The following MRO variants were observed in gnomAD, a reference collection of about 807,000 sequenced individuals.
MRO encodes protein maestro.
MRO carries 28 observed loss-of-function variants against 31.0 expected under a neutral mutation model. The ratio of observed to expected loss-of-function variants is 0.90; its 90% CI spans 0.67 to 1.24. MRO has a LOEUF of 1.24. Ranked by LOEUF, MRO falls within the 50% of genes most tolerant of loss-of-function variation. The pLI is 0.00. For missense variants in MRO, 332 were observed against 289.2 expected, an observed-to-expected ratio of 1.15 and a Z score of -1.07; for synonymous variants, 108 against 108.4, an observed-to-expected ratio of 1.00 and a Z score of 0.02.
intron 7 of MRO, 23 bp from the exon 8 acceptor site, chr18:50,799,413 C>G (rs1278169478): frequency 5.0e-6 from 8 of 1,608,864 alleles, no homozygotes; most frequent in Admixed American, 1.7e-5. Flanking sequence ...AGCAAAGGTA[C>G]GCGTGAGGGC....
At position 50,800,039 on chromosome 18, in the gene MRO, C is replaced by A. The variant is rs1273290363; in HGVS notation, c.690G>T (p.Gln230His). 2.5e-6 allele frequency: 4 copies of A among 1,610,898 alleles called. No individual in the cohort carries two copies. Among genetic ancestry groups the A allele is most frequent in the Non-Finnish European group, 3.4e-6 (4 of 1,177,358 alleles). Residue 230 changes from glutamine to histidine, a missense_variant, in exon 7 of 8, where the codon CAG becomes CAT. Physicochemically the swap from Gln to His is conservative, Grantham distance 24. Transcript: ENST00000398439. The stretch of plus-strand genomic sequence containing the variant: ...TCTCCTACCCTGGCTCACTCACCAG[C>A]TGCTGGTAGAGCTTAGTGTTCCTTT... Reference protein sequence around the residue: ...EDQRNTKLYQQLSHYHPEILQ... With the variant: ...EDQRNTKLYQHLSHYHPEILQ...
At chr18:50,815,564 TTGGTGGTGGTAACTA>T (rs1376699434) in intron 2 of MRO, 1 of 294,536 alleles carries the variant, frequency 3.4e-6, no homozygotes, top group South Asian at 3.5e-5. Context: ...CATTGAAATT[TTGGTGGTGGTAACTA>T]TGGTGGTGGT....
At chr18:50,799,892 A>G (rs2144576038) in intron 7 of MRO, 144 bp downstream of exon 7, 4 of 605,972 alleles carry the variant, frequency 6.6e-6, no homozygotes, top group East Asian at 5.8e-5. Context: ...TCTTCTCAGA[A>G]AAAAAGAAAA....
intron 2 of MRO, among the ~76,000 whole-genome samples, chr18:50,813,062 C>A (rs1424893025): frequency 6.6e-6 from 1 of 152,154 alleles, no homozygotes; most frequent in Non-Finnish European, 1.5e-5. Context: ...TGCAACCTGA[C>A]CCTTTTCAAC....
intron 3 of MRO, among the ~76,000 whole-genome samples, chr18:50,809,007 G>A (rs922879022): frequency 6.6e-6 from 1 of 150,464 alleles, no homozygotes; most frequent in Non-Finnish European, 1.5e-5. Flanking sequence ...GCGTAGTGGC[G>A]GGCGCCTGTA....
intron 2 of MRO, chr18:50,814,451 A>G: frequency 6.1e-6 from 1 of 163,618 alleles, no homozygotes; most frequent in Non-Finnish European, 1.3e-5. Flanking sequence ...CTGAGCTTTG[A>G]AACTACAGAG....
upstream of MRO, among the ~76,000 whole-genome samples, chr18:50,820,724 A>T (rs1162376918): frequency 6.6e-6 from 1 of 152,244 alleles, no homozygotes. Context: ...GATTACCTTG[A>T]CAAAGGTCAT....
At chr18:50,815,805 G>C in intron 2 of MRO, 1 of 299,452 alleles carries the variant, frequency 3.3e-6, no homozygotes, top group South Asian at 3.3e-5. Context: ...AAGCCGAGGT[G>C]AGCAGATCAC....
chr18:50,805,105 C>T, intron 5 of MRO, 49 bp downstream of exon 5: 1 of 1,517,302 alleles, frequency 6.6e-7, no homozygotes, highest in Non-Finnish European at 9.1e-7. Context: ...AGTCATATTT[C>T]TAAGCCCATT....
At chr18:50,801,641 G>C (rs1477323037) in intron 5 of MRO, 137 bp from the exon 6 acceptor site, 19 of 781,020 alleles carry the variant, frequency 2.4e-5, no homozygotes, top group Non-Finnish European at 3.5e-5. Flanking sequence ...GATCTTGACT[G>C]TACATTACAG....
chr18:50,802,723 TTTG>T (rs905987768), intron 5 of MRO, among the ~76,000 whole-genome samples: 3 of 152,000 alleles, frequency 2.0e-5, no homozygotes, highest in Non-Finnish European at 2.9e-5. Context: ...TTTTTTTGTT[TTTG>T]TTTTTGTTTT....
At chr18:50,820,053 C>T, upstream of MRO, 1 of 1,206,012 alleles carries the variant, frequency 8.3e-7, no homozygotes, top group Non-Finnish European at 1.2e-6. Flanking sequence ...AACCTCCCTG[C>T]CAAGGCCCGT....
At chr18:50,801,553 A>G (rs1325561717) in intron 5 of MRO, 49 bp from the exon 6 acceptor site, 1 of 1,534,832 alleles carries the variant, frequency 6.5e-7, no homozygotes. Flanking sequence ...CATTACCAAA[A>G]GGCAACTGCA....
intron 2 of MRO, among the ~76,000 whole-genome samples, chr18:50,818,970 TTGA>T (rs1915150976): frequency 6.6e-6 from 1 of 151,982 alleles, no homozygotes; most frequent in South Asian, 2.1e-4. Flanking sequence ...GAAGAATCAC[TTGA>T]ACCCAGGAGA....
intron 1 of MRO, among the ~76,000 whole-genome samples, chr18:50,825,047 C>A (rs1206559994): frequency 6.1e-5 from 9 of 148,644 alleles, no homozygotes; most frequent in Non-Finnish European, 1.2e-4. Flanking sequence ...CCACTCCAGC[C>A]TGGGCCACAA....
intron 4 of MRO, among the ~76,000 whole-genome samples, chr18:50,806,443 G>A (rs141679800): frequency 8.3e-4 from 126 of 152,332 alleles, no homozygotes; most frequent in African/African-American, 2.9e-3. Context: ...GCTTCAGGAA[G>A]GAATGCAGTC....
At chr18:50,819,403 T>G in intron 2 of MRO, 178 bp downstream of exon 2, 1 of 983,938 alleles carries the variant, frequency 1.0e-6, no homozygotes, top group South Asian at 4.7e-5. Context: ...AAAATCAGCT[T>G]CCTGGTCAAC....
At chr18:50,808,186 G>A (rs1378292651) in intron 3 of MRO, among the ~76,000 whole-genome samples, 2 of 152,182 alleles carry the variant, frequency 1.3e-5, no homozygotes, top group Non-Finnish European at 2.9e-5. Context: ...TTTGTGGCAA[G>A]CCTATGAGCT....
intron 2 of MRO, 148 bp downstream of exon 2, chr18:50,819,433 C>A: frequency 7.0e-7 from 1 of 1,434,288 alleles, no homozygotes; most frequent in South Asian, 1.5e-5. Context: ...TTCAGTTTTA[C>A]AAAGAGAACA....
Sources: allele counts gnomAD v4.1 joint callset (sites outside exome capture counted in the v4.1 genomes callset), GRCh38; gene constraint gnomAD v4.1.1; transcripts MANE v1.5; gene names NCBI Gene and HGNC (gene_info 2026-07-23, HGNC 2026-07-21).